Variants in MYO9A observed in about 807,000 individuals in gnomAD.
MYO9A encodes the protein unconventional myosin-IXa.
In MYO9A, 103 loss-of-function variants were observed where a neutral mutation model predicts 293.3. The ratio of observed to expected loss-of-function variants is 0.35; its 90% CI spans 0.30 to 0.41. MYO9A has a LOEUF of 0.41. Ranked by LOEUF, MYO9A falls within the 10% of genes least tolerant of loss-of-function variation. The probability of loss-of-function intolerance (pLI) is 1.00; values close to 1 mark genes in which losing one functional copy is unlikely to be tolerated. For synonymous variants in MYO9A, 1,001 were observed against 1,035.7 expected, an observed-to-expected ratio of 0.97 and a Z score of 0.64; for missense variants, 2,685 against 3,033.0, an observed-to-expected ratio of 0.89 and a Z score of 2.69.
chr15:71,823,509 G>T lies in MYO9A; in HGVS notation c.*3071C>A, dbSNP rs1361828070. ...TAGTTGGAGGGCTGTATCTCCCTTTGTGTTTTCAGAAGCCCAGAGTGGCAA... is the reference window on the plus strand; with the variant it reads ...TAGTTGGAGGGCTGTATCTCCCTTTTTGTTTTCAGAAGCCCAGAGTGGCAA... On this transcript the variant is annotated 3_prime_UTR_variant, in exon 42 of 42. Coordinates refer to ENST00000356056, the MANE Select transcript of MYO9A (RefSeq NM_006901.4). 1 of 152,174 alleles carries T rather than the reference G, an allele frequency of 6.6e-6. No individual in the cohort carries two copies. Among genetic ancestry groups the T allele is most frequent in the Non-Finnish European group, 1.5e-5 (1 of 68,016 alleles). The allele number at this position is 152,174 out of a possible 1,614,324, so 9.4% of individuals were successfully genotyped here. A position where few individuals can be genotyped will look rare whatever the true frequency, so the allele number is the denominator to read the frequency against.
intron 11 of MYO9A, among the ~76,000 whole-genome samples, chr15:71,983,575 C>T (rs1209481926): frequency 6.6e-6 from 1 of 150,944 alleles, no homozygotes; most frequent in Non-Finnish European, 1.5e-5. Context: ...GAACCCTTCC[C>T]AGCTACAAGC....
chr15:71,885,928 C>T (rs2057005368), intron 27 of MYO9A, among the ~76,000 whole-genome samples: 1 of 151,878 alleles, frequency 6.6e-6, no homozygotes, highest in African/African-American at 2.4e-5. Flanking sequence ...TCTTGAGTTG[C>T]TCCTTTATCA....
intron 26 of MYO9A, chr15:71,890,777 T>C (rs144332895): frequency 3.3e-5 from 5 of 152,288 alleles, no homozygotes; most frequent in Middle Eastern, 3.4e-3. Context: ...TCCCATTAGA[T>C]TGGGTTACTT....
chr15:72,098,147 A>G (rs1458095933), intron 1 of MYO9A, among the ~76,000 whole-genome samples: 1 of 151,828 alleles, frequency 6.6e-6, no homozygotes, highest in Non-Finnish European at 1.5e-5. Context: ...CTCCTCAAAC[A>G]TGAATGGAGC....
chr15:71,899,884 C>T lies in MYO9A; in HGVS notation c.3273G>A (p.Arg1091=), dbSNP rs746883082. The stretch of plus-strand genomic sequence containing the variant: ...CAGCCCGTAACTCCAAGTACCGCTG[C>T]CTCTCTAAGTGAGCACGCCAGGAAG... ...LQASWRAHLE[R]QRYLELRAAA... Residue 1091 remains arginine, a synonymous_variant, in exon 24 of 42, where the codon AGG becomes AGA. Transcript: ENST00000356056. 6.2e-7 allele frequency: 1 copy of T among 1,614,134 alleles called. No individual in the cohort carries two copies. The highest frequency in any genetic ancestry group is 8.5e-7 in the Non-Finnish European group (1 of 1,180,026).
intron 1 of MYO9A, among the ~76,000 whole-genome samples, chr15:72,115,391 TA>T (rs1188316000): frequency 4.6e-5 from 7 of 152,126 alleles, no homozygotes; most frequent in Non-Finnish European, 1.0e-4. Flanking sequence ...TTAACCCCTC[TA>T]TCCTTCCTCC....
At chr15:71,862,157 T>G (rs187453400) in intron 33 of MYO9A, among the ~76,000 whole-genome samples, 1 of 151,696 alleles carries the variant, frequency 6.6e-6, no homozygotes, top group African/African-American at 2.4e-5. Context: ...AATAGCGAAT[T>G]TGGGGACAAG....
intron 2 of MYO9A, chr15:72,041,545 G>C (rs531848119): frequency 8.7e-6 from 3 of 345,248 alleles, no homozygotes; most frequent in South Asian, 7.2e-5. Flanking sequence ...ATTTTGCATG[G>C]TTGTCCTTTG....
Position 71,893,746 on chromosome 15 carries a change from G to A in MYO9A, c.5075C>T (p.Pro1692Leu). Residue 1692 changes from proline to leucine, a missense_variant, in exon 26 of 42, where the codon CCT (proline) becomes CTT (leucine). Around this residue, in one of 10 missense-constraint regions of MYO9A, gnomAD observed 1,434 missense variants for 1,497.7 expected, o/e 0.96. Transcript: ENST00000356056. ...VSKEALNSKNPQLHKEDEPAW... is the reference protein window; with the variant it reads ...VSKEALNSKNLQLHKEDEPAW... ...TGGTTCATCTTCTTTATGGAGTTGAGGATTTTTACTGTTTAAGGCTTCTTT... is the reference window on the plus strand; with the variant it reads ...TGGTTCATCTTCTTTATGGAGTTGAAGATTTTTACTGTTTAAGGCTTCTTT... The A allele has an allele frequency of 1.2e-6, 2 of 1,613,956 alleles. No homozygotes were observed. The highest frequency in any genetic ancestry group is 1.7e-6 in the Non-Finnish European group (2 of 1,179,900).
intron 19 of MYO9A, among the ~76,000 whole-genome samples, chr15:71,910,530 C>G (rs1417149328): frequency 6.6e-6 from 1 of 152,044 alleles, no homozygotes; most frequent in Non-Finnish European, 1.5e-5. Context: ...TATGAACATA[C>G]TTATACTTGC....
intron 23 of MYO9A, 24 bp from the exon 24 acceptor site, chr15:71,900,030 A>T (rs776422547): frequency 6.3e-7 from 1 of 1,575,888 alleles, no homozygotes; most frequent in African/African-American, 1.4e-5. Flanking sequence ...AAAATAACAG[A>T]AACTGGTTGT....
At chr15:71,971,979 C>T (rs2076024011) in intron 12 of MYO9A, among the ~76,000 whole-genome samples, 1 of 151,928 alleles carries the variant, frequency 6.6e-6, no homozygotes, top group South Asian at 2.1e-4. Context: ...CCAAGGGAGG[C>T]CTCTAATATG....
chr15:71,956,318 A>ATATATATATATATATATATATATAT (rs2059178856), intron 14 of MYO9A, among the ~76,000 whole-genome samples: 1 of 36,862 alleles, frequency 2.7e-5, no homozygotes, highest in African/African-American at 8.8e-5. Context: ...CTTAAAAAAA[A>ATATATATATATATATATATATATAT]AAAAAAAAAA....
intron 22 of MYO9A, among the ~76,000 whole-genome samples, chr15:71,901,859 C>T (rs2057495524): frequency 6.6e-6 from 1 of 152,036 alleles, no homozygotes. Flanking sequence ...AAGTTGAAAA[C>T]CATAGATCTT....
At chr15:72,101,006 C>A (rs1227872071) in intron 1 of MYO9A, among the ~76,000 whole-genome samples, 3 of 131,286 alleles carry the variant, frequency 2.3e-5, no homozygotes, top group Admixed American at 7.3e-5. Flanking sequence ...CCGCCCCGTC[C>A]GGGAGGGAGG....
chr15:71,941,838 C>G (rs942956786), intron 15 of MYO9A, among the ~76,000 whole-genome samples: 11 of 151,998 alleles, frequency 7.2e-5, no homozygotes, highest in Non-Finnish European at 1.5e-4. Context: ...AAATAAAGCC[C>G]TAAGAACATG....
chr15:71,844,468 C>T (rs1214499145), intron 39 of MYO9A, among the ~76,000 whole-genome samples: 1 of 152,068 alleles, frequency 6.6e-6, no homozygotes, highest in Admixed American at 6.6e-5. Context: ...CAGACTGTAA[C>T]AAAAATATTG....
chr15:71,867,424 A>G (rs1442634671), intron 32 of MYO9A, among the ~76,000 whole-genome samples: 1 of 152,154 alleles, frequency 6.6e-6, no homozygotes, highest in Non-Finnish European at 1.5e-5. Flanking sequence ...TCCACATGAC[A>G]AAAAATATAA....
At chr15:71,988,315 T>C (rs2076454799) in intron 11 of MYO9A, among the ~76,000 whole-genome samples, 1 of 152,186 alleles carries the variant, frequency 6.6e-6, no homozygotes. Flanking sequence ...AGCTTAGCTT[T>C]TGATTAAAAG....
Sources: allele counts gnomAD v4.1 joint callset (sites outside exome capture counted in the v4.1 genomes callset), GRCh38; gene constraint gnomAD v4.1.1; regional missense constraint gnomAD v4.1.1; transcripts MANE v1.5; gene names NCBI Gene and HGNC (gene_info 2026-07-23, HGNC 2026-07-21).